The following PDSS2 variants were observed in gnomAD, a reference collection of about 807,000 sequenced individuals.
PDSS2 encodes the protein decaprenyl diphosphate synthase subunit 2, also known as all trans-polyprenyl-diphosphate synthase PDSS2.
A neutral mutation model predicts 44.5 loss-of-function variants in PDSS2; 31 were observed. The observed-to-expected ratio is 0.70, with a 90% confidence interval of 0.52 to 0.94. PDSS2 has a LOEUF of 0.94. Ranked by LOEUF, PDSS2 falls within the 40% of genes least tolerant of loss-of-function variation. The pLI, the probability that PDSS2 is intolerant of heterozygous loss-of-function variation, is 0.00. For synonymous variants in PDSS2, 157 were observed against 180.3 expected, an observed-to-expected ratio of 0.87 and a Z score of 1.03; for missense variants, 452 against 482.2, an observed-to-expected ratio of 0.94 and a Z score of 0.59.
chr6:107,237,580 T>C (rs755493104), intron 4 of PDSS2, among the ~76,000 whole-genome samples: 9 of 151,286 alleles, frequency 5.9e-5, no homozygotes, highest in Non-Finnish European at 1.2e-4. Context: ...GAAAGCTGCC[T>C]GAGAGCGAAA....
At chr6:107,311,675 T>C (rs1271286950) in intron 2 of PDSS2, among the ~76,000 whole-genome samples, 1 of 152,186 alleles carries the variant, frequency 6.6e-6, no homozygotes, top group African/African-American at 2.4e-5. Context: ...ATGTAGTTAT[T>C]GAGAATATGA....
At chr6:107,302,891 A>G (rs1447398470) in intron 2 of PDSS2, among the ~76,000 whole-genome samples, 1 of 151,872 alleles carries the variant, frequency 6.6e-6, no homozygotes, top group Non-Finnish European at 1.5e-5. Context: ...TAAGTGCTTT[A>G]CACTGATTAC....
chr6:107,233,932 T>A (rs1774140304), intron 4 of PDSS2, among the ~76,000 whole-genome samples: 1 of 152,110 alleles, frequency 6.6e-6, no homozygotes, highest in South Asian at 2.1e-4. Context: ...CTTGGGAGGC[T>A]GAGGCAAGAG....
At chr6:107,405,888 T>TA (rs1383585715) in intron 1 of PDSS2, among the ~76,000 whole-genome samples, 12 of 146,380 alleles carry the variant, frequency 8.2e-5, no homozygotes, top group Non-Finnish European at 1.5e-4. Context: ...GTGGAATAGA[T>TA]AAAACAACCT....
chr6:107,431,786 A>G (rs1234457971), intron 1 of PDSS2, among the ~76,000 whole-genome samples: 1 of 152,250 alleles, frequency 6.6e-6, no homozygotes, highest in Non-Finnish European at 1.5e-5. Flanking sequence ...CAGTTAATCT[A>G]AACATTTTAC....
chr6:107,285,007 C>A (rs1433523562), intron 2 of PDSS2, among the ~76,000 whole-genome samples: 1 of 152,142 alleles, frequency 6.6e-6, no homozygotes, highest in African/African-American at 2.4e-5. Flanking sequence ...AGTAACTTGC[C>A]CAAGTTCACA....
At chr6:107,246,963 C>T (rs1193592184) in intron 3 of PDSS2, among the ~76,000 whole-genome samples, 1 of 152,136 alleles carries the variant, frequency 6.6e-6, no homozygotes, top group African/African-American at 2.4e-5. Flanking sequence ...AATGATCCTA[C>T]AGTGTTACCA....
Position 107,153,007 on chromosome 6 carries a change from A to T in PDSS2, c.*1612T>A, listed in dbSNP as rs1770763717. On this transcript the variant is annotated 3_prime_UTR_variant, in exon 8 of 8. Transcript: ENST00000369037. Reference sequence around the variant, plus strand: ...ACTGTACAATTATGATATTTTGAGTACACTTAAAATATTTTATAATACAAT... The same window carrying T: ...ACTGTACAATTATGATATTTTGAGTTCACTTAAAATATTTTATAATACAAT... 5 of 152,594 alleles carry T rather than the reference A, an allele frequency of 3.3e-5. No homozygotes were observed. In the South Asian group the frequency reaches 1.0e-3, roughly 32 times the overall value. 9.5% of individuals were successfully genotyped at this position (152,594 alleles called of 1,614,324 possible). A position where few individuals can be genotyped will look rare whatever the true frequency, so the allele number is the denominator to read the frequency against.
chr6:107,331,603 T>C (rs560107105), intron 2 of PDSS2, among the ~76,000 whole-genome samples: 5 of 152,144 alleles, frequency 3.3e-5, no homozygotes, highest in African/African-American at 4.8e-5. Flanking sequence ...CAGTGCACCA[T>C]GTGCATACAG....
At chr6:107,266,706 G>C (rs765460683) in intron 3 of PDSS2, among the ~76,000 whole-genome samples, 1 of 152,124 alleles carries the variant, frequency 6.6e-6, no homozygotes, top group African/African-American at 2.4e-5. Context: ...TAGTTGCTTG[G>C]ATATGCTAAG....
At chr6:107,379,690 A>G (rs1779397447) in intron 1 of PDSS2, among the ~76,000 whole-genome samples, 1 of 152,060 alleles carries the variant, frequency 6.6e-6, no homozygotes, top group Non-Finnish European at 1.5e-5. Flanking sequence ...CAGAATAATA[A>G]CTGCTGCTTT....
intron 1 of PDSS2, among the ~76,000 whole-genome samples, chr6:107,342,319 T>C (rs143770364): frequency 6.6e-6 from 1 of 152,324 alleles, no homozygotes; most frequent in Non-Finnish European, 1.5e-5. Flanking sequence ...CTTCCTGTTA[T>C]CAATTTGCCA....
chr6:107,270,774 A>G (rs1582874695), intron 3 of PDSS2, among the ~76,000 whole-genome samples: 1 of 152,318 alleles, frequency 6.6e-6, no homozygotes, highest in South Asian at 2.1e-4. Flanking sequence ...TCTCACTCAC[A>G]AAGGCTTTAT....
chr6:107,264,321 T>C (rs1409217191), intron 3 of PDSS2: 6 of 1,447,334 alleles, frequency 4.1e-6, no homozygotes, highest in African/African-American at 2.9e-5. Flanking sequence ...AAAGTTAACA[T>C]AAGGAAATAC....
chr6:107,333,893 G>T (rs1777789672), intron 2 of PDSS2, among the ~76,000 whole-genome samples: 1 of 152,102 alleles, frequency 6.6e-6, no homozygotes, highest in South Asian at 2.1e-4. Flanking sequence ...AAGTGGCACA[G>T]AGGTCTCTAC....
At chr6:107,264,799 A>G (rs942030383) in intron 3 of PDSS2, among the ~76,000 whole-genome samples, 2 of 152,158 alleles carry the variant, frequency 1.3e-5, no homozygotes, top group Admixed American at 1.3e-4. Flanking sequence ...CTGCTCAAAC[A>G]CTAAAATTTT....
At chr6:107,176,490 T>C (rs890292716) in intron 7 of PDSS2, among the ~76,000 whole-genome samples, 7 of 151,962 alleles carry the variant, frequency 4.6e-5, no homozygotes, top group Non-Finnish European at 8.8e-5. Context: ...TAGTTTTTCT[T>C]GCCCTGTCCT....
chr6:107,458,412 C>CAAAAAA lies in PDSS2; in HGVS notation c.296+572_296+577dup, dbSNP rs60758453. The stretch of plus-strand genomic sequence containing the variant: ...TGGGCGACAAAGCGAGACTCCGTCT[C>CAAAAAA]AAAAAAAAAAAAAAAAAAAACTTTT... On this transcript the variant is annotated intron_variant, in intron 1 of 7. Transcript: ENST00000369037. Among the ~76,000 whole-genome samples the CAAAAAA allele has an allele frequency of 5.2e-4, 41 of 78,118 alleles. 3 individuals are homozygous for CAAAAAA. The highest frequency in any genetic ancestry group is 1.5e-3 in the African/African-American group (24 of 15,622). 51.2% of individuals were successfully genotyped at this position (78,118 alleles called of 152,430 possible).
At chr6:107,240,524 G>A (rs1774388378) in intron 4 of PDSS2, among the ~76,000 whole-genome samples, 1 of 149,568 alleles carries the variant, frequency 6.7e-6, no homozygotes, top group South Asian at 2.1e-4. Flanking sequence ...TCGGCCTCCC[G>A]AGTAGCTGGG....
Sources: gnomAD v4.1 joint callset for allele counts (sites outside exome capture counted in the v4.1 genomes callset) on GRCh38, gnomAD v4.1.1 for gene constraint, MANE v1.5 for transcripts, NCBI Gene and HGNC (gene_info 2026-07-23, HGNC 2026-07-21) for gene names.